TDRD9: variants seen among roughly 807,000 people sequenced by gnomAD.
TDRD9 encodes the protein ATP-dependent RNA helicase TDRD9.
A neutral mutation model predicts 172.6 loss-of-function variants in TDRD9; 124 were observed. The observed-to-expected ratio is 0.72, with a 90% CI of 0.62 to 0.83. TDRD9 has a LOEUF of 0.83. TDRD9 is among the 40% of genes least tolerant of loss of function. The pLI, the probability that TDRD9 is intolerant of heterozygous loss-of-function variation, is 0.00. For synonymous variants in TDRD9, 619 were observed against 617.1 expected, an observed-to-expected ratio of 1.00 and a Z score of -0.05; for missense variants, 1,479 against 1,714.1, an observed-to-expected ratio of 0.86 and a Z score of 2.42.
In TDRD9 at chr14:104,006,543, G is replaced by A; in HGVS notation, c.1868G>A (p.Cys623Tyr). Reference protein sequence around the residue: ...LGHVFGCLDECLIIAAALSLK... With the variant: ...LGHVFGCLDEYLIIAAALSLK... ...CATGTATTTGGATGTCTAGATGAAT[G>A]TCTTATTATAGGTAAGTGTGAGAAC... The change falls in exon 16 of 36, where the codon TGT becomes TAT. Residue 623 changes from cysteine to tyrosine, a missense_variant. Physicochemically the swap from Cys to Tyr is radical, Grantham distance 194. Coordinates refer to ENST00000409874, the MANE Select transcript of TDRD9 (RefSeq NM_153046.3). 1 of 1,613,726 alleles carries A rather than the reference G, an allele frequency of 6.2e-7. No individual in the cohort carries two copies. Among genetic ancestry groups the A allele is most frequent in the Non-Finnish European group, 8.5e-7 (1 of 1,179,676 alleles).
chr14:104,016,756 G>C (rs546592717), intron 22 of TDRD9, among the ~76,000 whole-genome samples: 1 of 152,212 alleles, frequency 6.6e-6, no homozygotes, highest in Non-Finnish European at 1.5e-5. Flanking sequence ...CTTGGTTCCA[G>C]TATGTGCCTG....
At chr14:103,995,722 G>A in intron 11 of TDRD9, 28 bp from the exon 12 acceptor site, 2 of 1,571,180 alleles carry the variant, frequency 1.3e-6, no homozygotes, top group Non-Finnish European at 1.7e-6. Context: ...TAGTAGGAAT[G>A]TCAGCTTTTT....
At chr14:103,952,162 A>G (rs12889686) in intron 1 of TDRD9, among the ~76,000 whole-genome samples, 2 of 129,158 alleles carry the variant, frequency 1.5e-5, no homozygotes, top group African/African-American at 5.7e-5. Context: ...ACGTGTATAT[A>G]TGTGTATATA....
At chr14:104,050,741 G>A (rs1308372486) in intron 35 of TDRD9, among the ~76,000 whole-genome samples, 35 of 152,230 alleles carry the variant, frequency 2.3e-4, no homozygotes, top group Admixed American at 2.3e-3. Context: ...GGCAAGGAGA[G>A]GGGCGGCCAC....
intron 1 of TDRD9, chr14:103,941,606 CAG>C (rs2031239753): frequency 2.0e-6 from 3 of 1,535,218 alleles, no homozygotes; most frequent in Non-Finnish European, 2.6e-6. Context: ...ATTCCCGAAG[CAG>C]AGTCTTTGTC....
At chr14:103,988,092 A>G (rs967525580) in intron 8 of TDRD9, among the ~76,000 whole-genome samples, 4 of 152,056 alleles carry the variant, frequency 2.6e-5, no homozygotes, top group African/African-American at 9.7e-5. Flanking sequence ...TGCATGACAC[A>G]TATTTTTTCA....
At chr14:103,995,934 G>A in intron 12 of TDRD9, 127 bp downstream of exon 12, 2 of 830,936 alleles carry the variant, frequency 2.4e-6, no homozygotes, top group East Asian at 2.8e-5. Context: ...ACAGAATTGA[G>A]AAAAGTAGGT....
intron 14 of TDRD9, 61 bp from the exon 15 acceptor site, chr14:104,005,213 T>A (rs1266988924): frequency 6.3e-7 from 1 of 1,579,198 alleles, no homozygotes; most frequent in African/African-American, 1.3e-5. Flanking sequence ...ACTGGTTATG[T>A]GAATCGGCTA....
At chr14:103,955,873 G>A (rs983241119) in intron 2 of TDRD9, 103 bp downstream of exon 2, 1 of 970,030 alleles carries the variant, frequency 1.0e-6, no homozygotes, top group African/African-American at 1.7e-5. Flanking sequence ...TACTCAGGAG[G>A]CTGAGGTGGG....
Position 104,008,457 on chromosome 14 carries a change from A to C in TDRD9, c.2097A>C (p.Arg699Ser), listed in dbSNP as rs747516179. 6 of 1,565,608 alleles carry C rather than the reference A, an allele frequency of 3.8e-6. No individual in the cohort carries two copies. The South Asian group carries it at 4.5e-5, about 12-fold the overall frequency. The change falls in exon 20 of 36, where the codon AGA (arginine) becomes AGC (serine). Residue 699 changes from arginine (R) to serine (S), a missense_variant. Transcript: ENST00000409874. ...WGRLNYIQIK[R>S]IREVAELYEE... ...GGTTAAATTACATTCAAATCAAGAGAATTAGAGAGGTAAGTTAAGTTTTTT... is the reference window on the plus strand; with the variant it reads ...GGTTAAATTACATTCAAATCAAGAGCATTAGAGAGGTAAGTTAAGTTTTTT...
intron 13 of TDRD9, 99 bp from the exon 14 acceptor site, chr14:104,004,139 T>A: frequency 1.8e-6 from 1 of 552,516 alleles, no homozygotes; most frequent in Non-Finnish European, 3.4e-6. Flanking sequence ...TACTTAAGGC[T>A]TTGCTTAATT....
chr14:103,949,588 A>G (rs2031750983), intron 1 of TDRD9, among the ~76,000 whole-genome samples: 1 of 152,246 alleles, frequency 6.6e-6, no homozygotes, highest in East Asian at 1.9e-4. Context: ...GCATAACACA[A>G]TGGTCAACCT....
intron 33 of TDRD9, among the ~76,000 whole-genome samples, chr14:104,041,751 A>G (rs2035617215): frequency 6.6e-6 from 1 of 152,240 alleles, no homozygotes; most frequent in South Asian, 2.1e-4. Flanking sequence ...GGGAATGCAG[A>G]TTAGTACCAC....
At chr14:104,001,903 G>A (rs1040603899) in intron 13 of TDRD9, among the ~76,000 whole-genome samples, 8 of 151,898 alleles carry the variant, frequency 5.3e-5, no homozygotes, top group Admixed American at 3.9e-4. Context: ...CACTGTGCCC[G>A]GCCTATGTTT....
chr14:104,023,486 G>T (rs868199318), intron 24 of TDRD9, among the ~76,000 whole-genome samples: 7 of 152,258 alleles, frequency 4.6e-5, no homozygotes, highest in Non-Finnish European at 8.8e-5. Context: ...TTTCCCTCCC[G>T]CCCAGAGAGT....
chr14:104,029,574 T>A (rs1248525836), intron 28 of TDRD9, among the ~76,000 whole-genome samples: 2 of 152,130 alleles, frequency 1.3e-5, no homozygotes, highest in Non-Finnish European at 2.9e-5. Context: ...AGCTTTTTGG[T>A]GGAGTCTTTA....
rs141526175 is a variant in TDRD9 at position 103,955,411 on chromosome 14, C to T, written c.216-253C>T. ...TACCCTTCAGAATAAGTGGTCATAC[C>T]CATTTACCATAAATGTATCTCTCCT... On this transcript the variant is annotated intron_variant, in intron 1 of 35. Coordinates refer to ENST00000409874, the MANE Select transcript of TDRD9 (RefSeq NM_153046.3). 5.9e-5 allele frequency among the ~76,000 whole-genome samples: 9 copies of T among 152,134 alleles called. No individual in the cohort carries two copies. The East Asian group carries it at 1.7e-3, about 29-fold the overall frequency.
intron 1 of TDRD9, among the ~76,000 whole-genome samples, chr14:103,953,831 C>T (rs1214197548): frequency 3.9e-5 from 6 of 152,016 alleles, no homozygotes; most frequent in Non-Finnish European, 1.5e-5. Flanking sequence ...TTGTTCTGCC[C>T]GGGTGGACTC....
intron 1 of TDRD9, among the ~76,000 whole-genome samples, chr14:103,950,000 GGCCCT>G (rs145914752): frequency 0.35 from 50,917 of 145,140 alleles, 9,032 homozygotes; most frequent in Middle Eastern, 0.38. Flanking sequence ...AAACAAATCA[GGCCCT>G]GCCCTGCCCT....
Sources: gnomAD v4.1 joint callset for allele counts (sites outside exome capture counted in the v4.1 genomes callset) on GRCh38, gnomAD v4.1.1 for gene constraint, MANE v1.5 for transcripts, NCBI Gene and HGNC (gene_info 2026-07-23, HGNC 2026-07-21) for gene names.